PTPRT: variants seen among roughly 807,000 people sequenced by gnomAD.
PTPRT encodes the protein protein tyrosine phosphatase receptor type T.
A neutral mutation model predicts 176.8 loss-of-function variants in PTPRT; 56 were observed. That is an observed-to-expected ratio of 0.32 (90% confidence interval 0.26 to 0.40). The LOEUF is 0.40. Among genes scored for constraint, PTPRT ranks in the 10% least tolerant of loss-of-function variants. The pLI is 1.00. For missense variants in PTPRT, 1,540 were observed against 1,908.2 expected (o/e 0.81, Z 3.60); for synonymous variants, 783 against 739.0 (o/e 1.06, Z -0.96).
intron 7 of PTPRT, among the ~76,000 whole-genome samples, chr20:42,490,840 T>A (rs2071549828): frequency 6.6e-6 from 1 of 152,134 alleles, no homozygotes; most frequent in African/African-American, 2.4e-5. Context: ...AAACTAGCAA[T>A]CTAACAAAAG....
chr20:42,083,734 T>A (rs1332140932), intron 29 of PTPRT, among the ~76,000 whole-genome samples: 2 of 152,240 alleles, frequency 1.3e-5, no homozygotes, highest in Non-Finnish European at 2.9e-5. Context: ...AAGACCTTCG[T>A]TCAAATTTCC....
At chr20:42,945,555 G>A (rs530330733) in intron 1 of PTPRT, among the ~76,000 whole-genome samples, 4 of 152,300 alleles carry the variant, frequency 2.6e-5, no homozygotes, top group South Asian at 2.1e-4. Flanking sequence ...GTGTCCAACA[G>A]GGCAGGGCTT....
At chr20:42,065,497 G>A in the PTPRT span, among the ~76,000 whole-genome samples, 1 of 152,134 alleles carries the variant, frequency 6.6e-6, no homozygotes, top group Non-Finnish European at 1.5e-5. Flanking sequence ...CAACGTTCTG[G>A]GAGTCCAGTA....
intron 2 of PTPRT, among the ~76,000 whole-genome samples, chr20:42,797,586 T>A (rs902375209): frequency 2.0e-4 from 27 of 132,818 alleles, no homozygotes; most frequent in Admixed American, 2.0e-3. Context: ...GTAGACAGAA[T>A]AAGGGCCTCC....
chr20:42,393,549 C>T (rs753425811), intron 9 of PTPRT, among the ~76,000 whole-genome samples: 5 of 152,150 alleles, frequency 3.3e-5, no homozygotes, highest in African/African-American at 7.2e-5. Flanking sequence ...CCATTTCAGA[C>T]GATCTTCCAT....
At chr20:42,100,607 C>A (rs772703756) in intron 26 of PTPRT, among the ~76,000 whole-genome samples, 32 of 152,070 alleles carry the variant, frequency 2.1e-4, no homozygotes, top group Non-Finnish European at 1.2e-4. Flanking sequence ...TTGATCTTTG[C>A]CTGGATGAGG....
At chr20:42,461,195 C>T (rs1324101708) in intron 8 of PTPRT, among the ~76,000 whole-genome samples, 1 of 152,140 alleles carries the variant, frequency 6.6e-6, no homozygotes, top group Non-Finnish European at 1.5e-5. Context: ...GGTGTGGTGG[C>T]ACATGCCTGC....
intron 11 of PTPRT, among the ~76,000 whole-genome samples, chr20:42,336,582 A>C (rs1219225856): frequency 6.6e-6 from 1 of 152,190 alleles, no homozygotes; most frequent in East Asian, 1.9e-4. Context: ...TAGAGAAGGC[A>C]CTCAGTACAC....
In PTPRT at chr20:42,086,753, A is replaced by AATATATATATATATATATATATAT. The variant is rs1555858329; in HGVS notation, c.3847-901_3847-900insATATATATATATATATATATATAT. ...AAAAAAAAAAAAAAAAAAAAAAAAA[A>AATATATATATATATATATATATAT]ATATATATATATATGGGTTTGACCT... is the stretch of plus-strand genomic sequence containing the variant. On this transcript the variant is annotated intron_variant, in intron 27 of 30. Transcript: ENST00000373187. 1.3e-3 allele frequency among the ~76,000 whole-genome samples: 120 copies of AATATATATATATATATATATATAT among 95,366 alleles called. 2 individuals are homozygous for AATATATATATATATATATATATAT. The highest frequency in any genetic ancestry group is 2.0e-3 in the East Asian group (6 of 2,942). 62.6% of individuals were successfully genotyped at this position (95,366 alleles called of 152,430 possible). A position where few individuals can be genotyped will look rare whatever the true frequency, so the allele number is the denominator to read the frequency against.
chr20:42,315,402 A>G (rs922594657), intron 12 of PTPRT, among the ~76,000 whole-genome samples: 1 of 152,124 alleles, frequency 6.6e-6, no homozygotes, highest in Non-Finnish European at 1.5e-5. Flanking sequence ...CCTCAAGTAA[A>G]GCACCATCTC....
At chr20:42,721,188 C>A (rs6016879) in intron 6 of PTPRT, among the ~76,000 whole-genome samples, 7,732 of 152,168 alleles carry the variant, frequency 0.051, 620 homozygotes, top group African/African-American at 0.17. Context: ...GAAGGCAAAC[C>A]CAGGGACAGG....
chr20:43,111,546 G>GAAAAAA (rs11424029), intron 1 of PTPRT, among the ~76,000 whole-genome samples: 13 of 83,454 alleles, frequency 1.6e-4, no homozygotes, highest in East Asian at 3.4e-4. Flanking sequence ...TCCGTCTCAG[G>GAAAAAA]AAAAAAAAAA....
the PTPRT span, among the ~76,000 whole-genome samples, chr20:42,060,871 G>A: frequency 6.6e-6 from 1 of 152,168 alleles, no homozygotes; most frequent in Non-Finnish European, 1.5e-5. Flanking sequence ...TTTACTTTAA[G>A]GTGCTTTATT....
At chr20:42,380,209 T>A (rs981553209) in intron 9 of PTPRT, among the ~76,000 whole-genome samples, 3 of 152,194 alleles carry the variant, frequency 2.0e-5, no homozygotes, top group Non-Finnish European at 4.4e-5. Context: ...TCAGTTTCCT[T>A]ATCCCACTCT....
chr20:42,108,401 T>TTGA (rs1986682032), intron 23 of PTPRT, among the ~76,000 whole-genome samples: 1 of 151,332 alleles, frequency 6.6e-6, no homozygotes, highest in South Asian at 2.1e-4. Context: ...TAAAATGATG[T>TTGA]TGATAATAAT....
intron 2 of PTPRT, among the ~76,000 whole-genome samples, chr20:42,831,832 A>G (rs965593503): frequency 2.6e-5 from 4 of 152,226 alleles, no homozygotes; most frequent in African/African-American, 9.6e-5. Context: ...ATGAGATACC[A>G]TCTCACACCA....
intron 6 of PTPRT, among the ~76,000 whole-genome samples, chr20:42,694,791 C>G (rs1238116371): frequency 6.2e-5 from 1 of 16,020 alleles, no homozygotes; most frequent in Non-Finnish European, 1.0e-4. Flanking sequence ...AACATCTTTT[C>G]AAGTGTTTAT....
intron 13 of PTPRT, among the ~76,000 whole-genome samples, chr20:42,278,917 C>T (rs866522229): frequency 4.6e-5 from 7 of 152,168 alleles, no homozygotes; most frequent in African/African-American, 1.7e-4. Flanking sequence ...CTTCAACCTG[C>T]TACCTATGTT....
chr20:42,799,237 C>T (rs1028165070), intron 2 of PTPRT, among the ~76,000 whole-genome samples: 3 of 151,384 alleles, frequency 2.0e-5, no homozygotes, highest in Non-Finnish European at 2.9e-5. Context: ...GAACTGCAGG[C>T]GAGGGAAGGG....
Sources: gnomAD v4.1 joint callset for allele counts (sites outside exome capture counted in the v4.1 genomes callset) on GRCh38, gnomAD v4.1.1 for gene constraint, MANE v1.5 for transcripts, NCBI Gene and HGNC (gene_info 2026-07-23, HGNC 2026-07-21) for gene names.